TEAD4: variants seen among roughly 807,000 people sequenced by gnomAD.
The protein encoded by TEAD4 is TEA domain transcription factor 4, also known as transcriptional enhancer factor TEF-3.
In TEAD4, 36 loss-of-function variants were observed where a neutral mutation model predicts 52.4. The observed-to-expected ratio is 0.69, with a 90% CI of 0.53 to 0.91. TEAD4 has a LOEUF of 0.91. TEAD4 is among the 40% of genes least tolerant of loss of function. TEAD4 has a pLI of 0.00. For missense variants in TEAD4, 508 were observed against 583.9 expected (o/e 0.87, Z 1.34); for synonymous variants, 220 against 231.0 (o/e 0.95, Z 0.43).
chr12:2,972,766 G>A (rs1270175577), intron 2 of TEAD4, among the ~76,000 whole-genome samples: 1 of 152,132 alleles, frequency 6.6e-6, no homozygotes, highest in African/African-American at 2.4e-5. Flanking sequence ...CTCCCAAAGT[G>A]CTGGGATTAC....
intron 2 of TEAD4, among the ~76,000 whole-genome samples, chr12:2,969,793 G>A (rs2098223610): frequency 6.6e-6 from 1 of 152,226 alleles, no homozygotes; most frequent in South Asian, 2.1e-4. Flanking sequence ...TTAGGAACAG[G>A]CGGAATCTGG....
chr12:3,011,964 C>CCGG (rs1249110900), intron 4 of TEAD4, among the ~76,000 whole-genome samples: 3 of 152,236 alleles, frequency 2.0e-5, no homozygotes, highest in African/African-American at 7.2e-5. Context: ...CTGCTCCCTG[C>CCGG]CGGCACTGCA....
chr12:3,038,020 C>T lies in TEAD4; in HGVS notation c.950C>T (p.Ser317Phe), dbSNP rs2098280456. 6.2e-7 allele frequency: 1 copy of T among 1,614,064 alleles called. No individual in the cohort carries two copies. ...GAAGGCAGCTCCTTCTATGGGGTCT[C>T]CAGCCAGTATGAGAGCCCCGAGAAC... Residue 317 changes from serine (S) to phenylalanine (F), a missense_variant, in exon 11 of 13, where the codon TCC becomes TTC. Coordinates refer to ENST00000359864, the MANE Select transcript of TEAD4 (RefSeq NM_003213.4).
intron 2 of TEAD4, among the ~76,000 whole-genome samples, chr12:2,976,512 G>C (rs541555179): frequency 1.3e-5 from 2 of 152,124 alleles, no homozygotes; most frequent in East Asian, 1.9e-4. Flanking sequence ...TGGGCCGGGC[G>C]CTGTTCTGGA....
intron 2 of TEAD4, among the ~76,000 whole-genome samples, chr12:2,980,489 T>C (rs2098233239): frequency 6.6e-6 from 1 of 152,064 alleles, no homozygotes; most frequent in South Asian, 2.1e-4. Context: ...TCCCAGCACT[T>C]TGGGAGGCCG....
chr12:2,987,831 T>TGAG lies in TEAD4; in HGVS notation c.-29-6898_-29-6896dup, dbSNP rs1214203476. Among the ~76,000 whole-genome samples, 11 of 151,658 alleles carry TGAG rather than the reference T, an allele frequency of 7.3e-5. No individual in the cohort carries two copies. In the South Asian group the frequency reaches 2.1e-3, roughly 29 times the overall value. On this transcript the variant is annotated intron_variant, in intron 2 of 12. Coordinates refer to ENST00000359864, the MANE Select transcript of TEAD4 (RefSeq NM_003213.4). The stretch of plus-strand genomic sequence containing the variant: ...CTGTAATCCCAGCACTTTGGGAGGC[T>TGAG]GAGGAGGAGGATCACTTGAGGTCAG...
intron 3 of TEAD4, among the ~76,000 whole-genome samples, chr12:3,007,238 C>G (rs114302213): frequency 6.6e-6 from 1 of 152,294 alleles, no homozygotes; most frequent in African/African-American, 2.4e-5. Flanking sequence ...GGGTTAGGGT[C>G]TCAGCTGATG....
At chr12:3,033,833 T>G (rs7316733) in intron 10 of TEAD4, among the ~76,000 whole-genome samples, 143,250 of 151,202 alleles carry the variant, frequency 0.95, 68,526 homozygotes, top group East Asian at 1. Flanking sequence ...TTTTGGGTGG[T>G]TGCTCAGTGT....
At chr12:2,997,021 TTCTC>T (rs2098247795) in intron 3 of TEAD4, among the ~76,000 whole-genome samples, 1 of 152,230 alleles carries the variant, frequency 6.6e-6, no homozygotes, top group Non-Finnish European at 1.5e-5. Flanking sequence ...GGAAATTTCC[TTCTC>T]TCTCCTATAA....
chr12:3,014,045 T>G (rs2098262471), intron 5 of TEAD4, among the ~76,000 whole-genome samples: 1 of 152,120 alleles, frequency 6.6e-6, no homozygotes, highest in South Asian at 2.1e-4. Flanking sequence ...CCCACTCAGT[T>G]CCATTCCTCC....
chr12:3,039,379 T>G (rs1186519931), intron 11 of TEAD4, among the ~76,000 whole-genome samples: 1 of 152,134 alleles, frequency 6.6e-6, no homozygotes, highest in East Asian at 1.9e-4. Flanking sequence ...ATAACTAGAG[T>G]GTAAAGTGGA....
chr12:2,984,141 G>A (rs911938660), intron 2 of TEAD4, among the ~76,000 whole-genome samples: 2 of 152,174 alleles, frequency 1.3e-5, no homozygotes, highest in Admixed American at 6.5e-5. Flanking sequence ...TTGGAGGTGG[G>A]TTCAAAGAAG....
intron 2 of TEAD4, among the ~76,000 whole-genome samples, chr12:2,986,824 C>T (rs1218483592): frequency 6.6e-6 from 1 of 152,106 alleles, no homozygotes; most frequent in Non-Finnish European, 1.5e-5. Flanking sequence ...TACACCAGTG[C>T]CACCAGACAC....
intron 3 of TEAD4, 31 bp from the exon 4 acceptor site, chr12:3,010,973 C>G (rs2153956595): frequency 6.2e-7 from 1 of 1,613,690 alleles, no homozygotes; most frequent in Non-Finnish European, 8.5e-7. Flanking sequence ...TTGTCCTTCT[C>G]TCCACTGAGA....
chr12:3,005,872 G>A (rs1023404660), intron 3 of TEAD4, among the ~76,000 whole-genome samples: 34 of 152,004 alleles, frequency 2.2e-4, no homozygotes, highest in Non-Finnish European at 4.0e-4. Flanking sequence ...TCCTGGGCTT[G>A]GGCGATCTTC....
At chr12:3,033,739 C>T (rs761938000) in intron 10 of TEAD4, among the ~76,000 whole-genome samples, 9 of 152,168 alleles carry the variant, frequency 5.9e-5, no homozygotes, top group Non-Finnish European at 8.8e-5. Context: ...ATGAATAGGG[C>T]GGAGGGAGGG....
intron 10 of TEAD4, among the ~76,000 whole-genome samples, chr12:3,037,513 G>T (rs2098280142): frequency 6.6e-6 from 1 of 152,176 alleles, no homozygotes; most frequent in Admixed American, 6.5e-5. Flanking sequence ...CCGGTCTCTT[G>T]CCCTGGTTTT....
chr12:3,007,871 T>A (rs2098257192), intron 3 of TEAD4, among the ~76,000 whole-genome samples: 2 of 152,260 alleles, frequency 1.3e-5, no homozygotes, highest in Admixed American at 6.5e-5. Context: ...TACGTCGGAC[T>A]AATCAGAAGT....
chr12:2,964,020 G>C (rs2098218081), intron 2 of TEAD4, among the ~76,000 whole-genome samples: 1 of 151,582 alleles, frequency 6.6e-6, no homozygotes, highest in Non-Finnish European at 1.5e-5. Context: ...TGGGGGATGG[G>C]ATTGCATATC....
Sources: gnomAD v4.1 joint callset for allele counts (sites outside exome capture counted in the v4.1 genomes callset) on GRCh38, gnomAD v4.1.1 for gene constraint, MANE v1.5 for transcripts, NCBI Gene and HGNC (gene_info 2026-07-23, HGNC 2026-07-21) for gene names.